The following NLRP5 variants were observed in gnomAD, a reference collection of about 807,000 sequenced individuals.
NLRP5 encodes the protein NACHT, LRR and PYD domains-containing protein 5.
In NLRP5, 93 loss-of-function variants were observed where a neutral mutation model predicts 113.1. The ratio of observed to expected loss-of-function variants is 0.82; its 90% CI spans 0.70 to 0.98. The LOEUF (loss-of-function observed/expected upper bound fraction) is 0.98, where lower values mean the gene tolerates loss of function less well. NLRP5 is among the 50% of genes least tolerant of loss of function. The pLI is 0.00. For synonymous variants in NLRP5, 751 were observed against 600.7 expected, an observed-to-expected ratio of 1.25 and a Z score of -3.66; for missense variants, 1,808 against 1,514.3, an observed-to-expected ratio of 1.19 and a Z score of -3.22.
rs1355939233 is a variant in NLRP5, at chr19:56,053,735, G to A, written c.3226G>A (p.Ala1076Thr). The A allele has an allele frequency of 1.2e-6, 2 of 1,613,860 alleles. No individual in the cohort carries two copies. Among genetic ancestry groups the A allele is most frequent in the South Asian group, 2.2e-5 (2 of 91,090 alleles). ...GAAGAGCCTGGATCTCACGGACAAT[G>A]CCCTGGGTGACGGTGGGGTTGCTGC... The change falls in exon 13 of 15, where the codon GCC becomes ACC. Residue 1076 changes from alanine to threonine, a missense_variant. Transcript: ENST00000390649.
At chr19:56,022,142 C>G (rs192506466) in intron 6 of NLRP5, among the ~76,000 whole-genome samples, 6 of 152,152 alleles carry the variant, frequency 3.9e-5, no homozygotes, top group Non-Finnish European at 8.8e-5. Context: ...AGAATAATTA[C>G]TCTGGTCTAG....
At chr19:56,001,949 A>G (rs1250810514) in intron 1 of NLRP5, among the ~76,000 whole-genome samples, 1 of 152,206 alleles carries the variant, frequency 6.6e-6, no homozygotes, top group Non-Finnish European at 1.5e-5. Flanking sequence ...ACTGGCTGTC[A>G]CTATTTATAG....
chr19:55,988,539 T>G, the NLRP5 span: 1 of 150,462 alleles, frequency 6.6e-6, no homozygotes, highest in Non-Finnish European at 1.5e-5. Flanking sequence ...TTCATCGTCT[T>G]CTTGCTTCTT....
chr19:56,006,656 C>T lies in NLRP5; in HGVS notation c.443-2132C>T, dbSNP rs570473488. Among the ~76,000 whole-genome samples, 527 of 152,074 alleles carry T rather than the reference C, an allele frequency of 3.5e-3. 4 individuals are homozygous for T. Among genetic ancestry groups the T allele is most frequent in the African/African-American group, 0.012 (490 of 41,550 alleles). On this transcript the variant is annotated intron_variant, in intron 2 of 14. Coordinates refer to ENST00000390649, the MANE Select transcript of NLRP5 (RefSeq NM_153447.4). The stretch of plus-strand genomic sequence containing the variant: ...CTGAGGCAGGAGAATCACTTGAACC[C>T]GGGAGGTAGAGGTTGCAGTGAGTCA...
At chr19:56,026,824 T>G in intron 6 of NLRP5, 89 bp from the exon 7 acceptor site, 1 of 1,384,932 alleles carries the variant, frequency 7.2e-7, no homozygotes, top group Non-Finnish European at 9.8e-7. Context: ...GATATGCCCA[T>G]CTTGACCTCC....
intron 2 of NLRP5, among the ~76,000 whole-genome samples, chr19:56,005,288 T>C (rs1397077004): frequency 6.8e-6 from 1 of 147,378 alleles, no homozygotes; most frequent in Non-Finnish European, 1.5e-5. Context: ...CACATATATT[T>C]TTATATATAC....
At chr19:56,000,055 C>T (rs1401163579) in intron 1 of NLRP5, among the ~76,000 whole-genome samples, 2 of 151,184 alleles carry the variant, frequency 1.3e-5, no homozygotes, top group Non-Finnish European at 2.9e-5. Context: ...GGACTGCCAC[C>T]TCTCCACTCT....
chr19:56,009,336 T>A (rs1448829517), intron 3 of NLRP5, among the ~76,000 whole-genome samples: 3 of 6,768 alleles, frequency 4.4e-4, no homozygotes, highest in East Asian at 0.021. Flanking sequence ...CGAGACTCCA[T>A]CTCAAAAAAA....
intron 13 of NLRP5, among the ~76,000 whole-genome samples, chr19:56,057,009 G>A (rs1439560844): frequency 3.3e-5 from 5 of 152,016 alleles, no homozygotes; most frequent in Admixed American, 2.0e-4. Context: ...GGTGGCAGGC[G>A]CTTGTAATCC....
At chr19:56,034,367 C>G (rs1184846895) in intron 9 of NLRP5, among the ~76,000 whole-genome samples, 2 of 152,190 alleles carry the variant, frequency 1.3e-5, no homozygotes, top group East Asian at 1.9e-4. Flanking sequence ...GCCTGGGCAA[C>G]AAGAGCAAAA....
chr19:56,009,339 C>CAACAAAAAAAAAAAAAA (rs1982088094), intron 3 of NLRP5, among the ~76,000 whole-genome samples: 1 of 44,304 alleles, frequency 2.3e-5, no homozygotes, highest in Non-Finnish European at 3.9e-5. Flanking sequence ...GACTCCATCT[C>CAACAAAAAAAAAAAAAA]AAAAAAAAAA....
chr19:56,036,153 T>G (rs1029628889), intron 9 of NLRP5, among the ~76,000 whole-genome samples: 28 of 133,614 alleles, frequency 2.1e-4, no homozygotes, highest in African/African-American at 7.2e-4. Context: ...AAGCCCCACC[T>G]CCTGGGTTCA....
At chr19:55,995,877 T>C (rs919922269), upstream of NLRP5, among the ~76,000 whole-genome samples, 21 of 152,076 alleles carry the variant, frequency 1.4e-4, no homozygotes, top group African/African-American at 4.6e-4. Flanking sequence ...AGTTCATTAT[T>C]GGTGTTTAGA....
In NLRP5 at chr19:56,026,924, G is replaced by A. The variant is rs1195841158; in HGVS notation, c.691G>A (p.Asp231Asn). The change falls in exon 7 of 15, where the codon GAC (aspartate) becomes AAC (asparagine). Residue 231 changes from aspartate (D) to asparagine (N), a missense_variant. Asp to Asn is a conservative substitution (Grantham distance 23). Coordinates refer to ENST00000390649, the MANE Select transcript of NLRP5 (RefSeq NM_153447.4). ...CTCTCTGACTCCAGGACATGGAGGT[G>A]ACACATGGGACTACAAGAGTCACGT... 1.9e-6 allele frequency: 3 copies of A among 1,550,804 alleles called. No individual in the cohort carries two copies. The highest frequency in any genetic ancestry group is 2.7e-5 in the African/African-American group (2 of 73,024).
rs757194118 is a variant in NLRP5 at position 56,027,366 on chromosome 19, G to A, written c.1133G>A (p.Cys378Tyr). 8.1e-6 allele frequency: 13 copies of A among 1,613,382 alleles called. 1 individual carries two copies. The South Asian group carries it at 1.2e-4, about 15-fold the overall frequency. ...GTCCTCAACAATGACACAAAGCTCT[G>A]CAAAGACTGGGCTGAGAAGCAGCCT... Residue 378 changes from cysteine to tyrosine, a missense_variant, in exon 7 of 15, where the codon TGC (cysteine) becomes TAC (tyrosine). By Grantham distance (194) the Cys-to-Tyr change is radical. Coordinates refer to ENST00000390649, the MANE Select transcript of NLRP5 (RefSeq NM_153447.4).
At chr19:56,029,971 C>T (rs1045637527) in intron 7 of NLRP5, among the ~76,000 whole-genome samples, 2 of 151,566 alleles carry the variant, frequency 1.3e-5, no homozygotes, top group Non-Finnish European at 2.9e-5. Flanking sequence ...AGGAGAATTG[C>T]CTGAACCCAG....
Position 56,041,101 on chromosome 19 carries a change from G to GGCTT in NLRP5, c.2957+13_2957+16dup. The GGCTT allele has an allele frequency of 6.2e-7, 1 of 1,613,264 alleles. No individual in the cohort carries two copies. The highest frequency in any genetic ancestry group is 2.2e-5 in the East Asian group (1 of 44,874). On this transcript the variant is annotated intron_variant, in intron 11 of 14. Coordinates refer to ENST00000390649, the MANE Select transcript of NLRP5 (RefSeq NM_153447.4). ...AGTCTGCAGAGGCTGATGTGAGTCTGGCTTGCTCCCCTGCAAGGACTTCCT... is the reference window on the plus strand; with the variant it reads ...AGTCTGCAGAGGCTGATGTGAGTCTGGCTTGCTTGCTCCCCTGCAAGGACTTCCT...
At chr19:55,999,363 C>CT (rs1339052452), upstream of NLRP5, among the ~76,000 whole-genome samples, 6 of 151,710 alleles carry the variant, frequency 4.0e-5, no homozygotes, top group Non-Finnish European at 1.5e-5. Flanking sequence ...TACAGGTGCG[C>CT]GCCACCATGC....
At chr19:56,033,434 C>A in intron 8 of NLRP5, 108 bp from the exon 9 acceptor site, 2 of 835,710 alleles carry the variant, frequency 2.4e-6, no homozygotes, top group African/African-American at 1.7e-5. Flanking sequence ...AAAGGAAATA[C>A]AATTAATTAG....
Sources: allele counts gnomAD v4.1 joint callset (sites outside exome capture counted in the v4.1 genomes callset), GRCh38; gene constraint gnomAD v4.1.1; transcripts MANE v1.5; gene names NCBI Gene and HGNC (gene_info 2026-07-23, HGNC 2026-07-21).